The following REEP3 variants were observed in gnomAD, a reference collection of about 807,000 sequenced individuals.
REEP3 encodes the protein receptor accessory protein 3.
In REEP3, 20 loss-of-function variants were observed where a neutral mutation model predicts 41.3. That is an observed-to-expected ratio of 0.48 (90% CI 0.34 to 0.70). The LOEUF is 0.70. REEP3 is among the 30% of genes least tolerant of loss of function. The pLI is 0.01. For synonymous variants in REEP3, 104 were observed against 101.8 expected, an observed-to-expected ratio of 1.02 and a Z score of -0.13; for missense variants, 271 against 308.8, an observed-to-expected ratio of 0.88 and a Z score of 0.92.
At chr10:63,548,355 A>G (rs1564475392) in intron 1 of REEP3, among the ~76,000 whole-genome samples, 1 of 152,168 alleles carries the variant, frequency 6.6e-6, no homozygotes, top group Non-Finnish European at 1.5e-5. Context: ...ATAGAAATTG[A>G]GATTGTTCAA....
At chr10:63,568,407 C>T (rs1432935319) in intron 2 of REEP3, among the ~76,000 whole-genome samples, 1 of 151,816 alleles carries the variant, frequency 6.6e-6, no homozygotes, top group Non-Finnish European at 1.5e-5. Flanking sequence ...GCTGGGACTA[C>T]AGGCGCCCGC....
At position 63,538,344 on chromosome 10, in the gene REEP3, C is replaced by T. The variant is rs575914012; in HGVS notation, c.32+16767C>T. On this transcript the variant is annotated intron_variant, in intron 1 of 7. Transcript: ENST00000373758. ...ACATTAGCCCAGAATCTGGATGGTT[C>T]TAAACCTATCAGTGGGAGATAACAT... Among the ~76,000 whole-genome samples, 26 of 152,282 alleles carry T rather than the reference C, an allele frequency of 1.7e-4. 1 individual carries two copies. The South Asian group carries it at 5.4e-3, about 32-fold the overall frequency.
At chr10:63,543,446 C>T (rs1955548073) in intron 1 of REEP3, among the ~76,000 whole-genome samples, 1 of 136,936 alleles carries the variant, frequency 7.3e-6, no homozygotes, top group South Asian at 2.5e-4. Flanking sequence ...CAGACTTGCA[C>T]CACCATGCCC....
chr10:63,607,907 T>C (rs1956243389), intron 5 of REEP3, among the ~76,000 whole-genome samples: 1 of 152,208 alleles, frequency 6.6e-6, no homozygotes, highest in African/African-American at 2.4e-5. Flanking sequence ...CCATTGTACT[T>C]TGAGTCATTT....
chr10:63,554,573 C>CT (rs1955660238), intron 1 of REEP3, among the ~76,000 whole-genome samples: 1 of 152,172 alleles, frequency 6.6e-6, no homozygotes, highest in Non-Finnish European at 1.5e-5. Context: ...TATGTTTTGG[C>CT]TTTAACACTT....
At chr10:63,572,245 T>G (rs1338898016) in intron 2 of REEP3, among the ~76,000 whole-genome samples, 5 of 152,102 alleles carry the variant, frequency 3.3e-5, no homozygotes, top group Admixed American at 3.3e-4. Context: ...ATTTTGAACA[T>G]TATTTGCTTG....
chr10:63,538,565 C>G (rs1955496938), intron 1 of REEP3, among the ~76,000 whole-genome samples: 1 of 152,022 alleles, frequency 6.6e-6, no homozygotes, highest in Admixed American at 6.5e-5. Flanking sequence ...AAAACCCTGT[C>G]TCTACTAAAA....
chr10:63,612,616 C>A (rs191197878), intron 6 of REEP3, among the ~76,000 whole-genome samples: 5 of 151,672 alleles, frequency 3.3e-5, no homozygotes, highest in African/African-American at 1.2e-4. Context: ...CATGGCGAAA[C>A]CCTGTCTCCA....
rs1233647667 is a variant in REEP3, at chr10:63,622,704, C to CTT, written c.*1835_*1836insTT. ...GTGGGAGCTGATTTGCACCATTTTA[C>CTT]CTTTTTTTTTTTTTTTTTTTTGAGA... On this transcript the variant is annotated 3_prime_UTR_variant, in exon 8 of 8. Coordinates refer to ENST00000373758, the MANE Select transcript of REEP3 (RefSeq NM_001001330.3). 2.1e-4 allele frequency: 23 copies of CTT among 110,210 alleles called. No individual in the cohort carries two copies. The highest frequency in any genetic ancestry group is 9.0e-4 in the African/African-American group (22 of 24,354). The allele number at this position is 110,210 out of a possible 1,614,324, so 6.8% of individuals were successfully genotyped here. A position where few individuals can be genotyped will look rare whatever the true frequency, so the allele number is the denominator to read the frequency against.
At chr10:63,614,221 CA>C (rs566441746) in intron 6 of REEP3, among the ~76,000 whole-genome samples, 9 of 149,762 alleles carry the variant, frequency 6.0e-5, no homozygotes, top group South Asian at 2.1e-4. Flanking sequence ...CCAGATTGGC[CA>C]AAAAAAAATG....
chr10:63,584,741 A>G (rs1033430775), intron 2 of REEP3, among the ~76,000 whole-genome samples: 1 of 152,194 alleles, frequency 6.6e-6, no homozygotes, highest in Non-Finnish European at 1.5e-5. Flanking sequence ...GTATCAGAGG[A>G]TCTCTCTGTT....
chr10:63,563,669 G>A (rs1218288848), intron 1 of REEP3, among the ~76,000 whole-genome samples: 1 of 151,604 alleles, frequency 6.6e-6, no homozygotes, highest in African/African-American at 2.4e-5. Context: ...AGCATGGGCT[G>A]TGCATGGTGA....
chr10:63,521,844 TGCGGC>T (rs3083189), intron 1 of REEP3: 186,062 of 188,418 alleles, frequency 0.99, 91,906 homozygotes, highest in Middle Eastern at 1. Flanking sequence ...CTGCGTGCGG[TGCGGC>T]GCGGCGCCCC....
chr10:63,607,590 G>A (rs1956240544), intron 5 of REEP3, among the ~76,000 whole-genome samples: 1 of 152,148 alleles, frequency 6.6e-6, no homozygotes, highest in Admixed American at 6.5e-5. Context: ...GCCATCTATG[G>A]AGAAGTCTTT....
chr10:63,581,312 T>A (rs927834104), intron 2 of REEP3, among the ~76,000 whole-genome samples: 5 of 152,018 alleles, frequency 3.3e-5, no homozygotes, highest in Non-Finnish European at 7.4e-5. Context: ...ATACATAAAA[T>A]AAAATCACTC....
At chr10:63,610,066 G>T in intron 5 of REEP3, 121 bp from the exon 6 acceptor site, 1 of 763,632 alleles carries the variant, frequency 1.3e-6, no homozygotes, top group Non-Finnish European at 2.1e-6. Flanking sequence ...AAACAATATT[G>T]GGTGTTCATT....
chr10:63,606,682 G>T (rs1321902146), intron 5 of REEP3, among the ~76,000 whole-genome samples: 2 of 152,080 alleles, frequency 1.3e-5, no homozygotes, highest in African/African-American at 4.8e-5. Flanking sequence ...TGACTATAAT[G>T]TTCTATTTGT....
intron 5 of REEP3, among the ~76,000 whole-genome samples, chr10:63,600,138 T>C (rs1956159300): frequency 1.3e-5 from 2 of 152,190 alleles, no homozygotes; most frequent in Admixed American, 1.3e-4. Context: ...GTATTCTGCT[T>C]TCAAGTTAGT....
At chr10:63,580,444 C>T (rs1368602493) in intron 2 of REEP3, among the ~76,000 whole-genome samples, 1 of 151,952 alleles carries the variant, frequency 6.6e-6, no homozygotes, top group Non-Finnish European at 1.5e-5. Flanking sequence ...GCTATAATAG[C>T]TTTAAAAGAC....
Sources: gnomAD v4.1 joint callset for allele counts (sites outside exome capture counted in the v4.1 genomes callset) on GRCh38, gnomAD v4.1.1 for gene constraint, MANE v1.5 for transcripts, NCBI Gene and HGNC (gene_info 2026-07-23, HGNC 2026-07-21) for gene names.